The following FRMD4A variants were observed in gnomAD, a reference collection of about 807,000 sequenced individuals.
FRMD4A encodes the protein FERM domain-containing protein 4A.
In FRMD4A, 29 loss-of-function variants were observed where a neutral mutation model predicts 129.1. The observed-to-expected ratio is 0.22, with a 90% CI of 0.17 to 0.31. FRMD4A has a LOEUF of 0.31. Ranked by LOEUF, FRMD4A falls within the 10% of genes least tolerant of loss-of-function variation. The pLI, the probability that FRMD4A is intolerant of heterozygous loss-of-function variation, is 1.00. For synonymous variants in FRMD4A, 634 were observed against 571.6 expected, an observed-to-expected ratio of 1.11 and a Z score of -1.56; for missense variants, 1,272 against 1,375.8, an observed-to-expected ratio of 0.92 and a Z score of 1.19.
At chr10:14,122,011 C>CAT (rs1838552296) in intron 2 of FRMD4A, among the ~76,000 whole-genome samples, 1 of 152,184 alleles carries the variant, frequency 6.6e-6, no homozygotes. Context: ...CTAGCATTAG[C>CAT]TAGTGCTGTT....
chr10:14,003,046 G>T (rs2095648277), intron 2 of FRMD4A, among the ~76,000 whole-genome samples: 2 of 152,148 alleles, frequency 1.3e-5, no homozygotes, highest in Non-Finnish European at 2.9e-5. Flanking sequence ...CCACTTAAGG[G>T]TTTCAGTAGA....
At chr10:14,212,545 C>G (rs904388508) in intron 2 of FRMD4A, among the ~76,000 whole-genome samples, 6 of 152,170 alleles carry the variant, frequency 3.9e-5, no homozygotes, top group Non-Finnish European at 8.8e-5. Context: ...CTCTCCCACT[C>G]TAGATGCTGG....
chr10:14,108,591 A>T lies in FRMD4A; in HGVS notation c.45+221467T>A, dbSNP rs527856639. Among the ~76,000 whole-genome samples the T allele has an allele frequency of 5.3e-5, 8 of 152,354 alleles. No homozygotes were observed. In the South Asian group the frequency reaches 1.5e-3, roughly 28 times the overall value. ...CAAACCAGATACCTCTTCATCAAGA[A>T]CTTAACCCAATTAGGGAGTCCTGTT... On this transcript the variant is annotated intron_variant, in intron 2 of 24. Coordinates refer to ENST00000357447, the MANE Select transcript of FRMD4A (RefSeq NM_018027.5).
At chr10:14,062,477 C>T (rs533757988) in intron 2 of FRMD4A, among the ~76,000 whole-genome samples, 2 of 152,094 alleles carry the variant, frequency 1.3e-5, no homozygotes, top group Non-Finnish European at 2.9e-5. Flanking sequence ...AAAGTCTTAG[C>T]CATTGAACTT....
chr10:13,971,798 A>G, intron 2 of FRMD4A: 1 of 1,304,398 alleles, frequency 7.7e-7, no homozygotes, highest in South Asian at 1.2e-5. Flanking sequence ...CCCAGCAGCC[A>G]TGCCAGCCCC....
chr10:13,804,714 C>CTT (rs35111872), intron 4 of FRMD4A, among the ~76,000 whole-genome samples: 42,629 of 127,368 alleles, frequency 0.33, 7,551 homozygotes, highest in Non-Finnish European at 0.42. Context: ...CCAGCTAATT[C>CTT]TTTTTTTTTT....
Position 14,232,285 on chromosome 10 carries a change from CTGTT to C in FRMD4A, c.45+97769_45+97772del, listed in dbSNP as rs550212464. 3.9e-5 allele frequency among the ~76,000 whole-genome samples: 6 copies of C among 152,132 alleles called. No homozygotes were observed. In the South Asian group the frequency reaches 1.0e-3, roughly 26 times the overall value. On this transcript the variant is annotated intron_variant, in intron 2 of 24. Coordinates refer to ENST00000357447, the MANE Select transcript of FRMD4A (RefSeq NM_018027.5). The stretch of plus-strand genomic sequence containing the variant: ...TGGTTCTGTATCCTGTTCCATTGGT[CTGTT>C]TGTTTGTTTTTGTCCCAGTACCCTG...
chr10:13,991,410 C>G (rs1257886913), intron 2 of FRMD4A, among the ~76,000 whole-genome samples: 3 of 152,158 alleles, frequency 2.0e-5, no homozygotes, highest in Non-Finnish European at 2.9e-5. Context: ...ACAGTGTGCA[C>G]CTGCTTTCCT....
chr10:14,138,627 G>A (rs1264375142), intron 2 of FRMD4A, among the ~76,000 whole-genome samples: 1 of 152,080 alleles, frequency 6.6e-6, no homozygotes, highest in Non-Finnish European at 1.5e-5. Context: ...GGCCGTGGTG[G>A]TGCGCGCCTG....
chr10:13,822,498 G>A (rs1258759984), intron 3 of FRMD4A, among the ~76,000 whole-genome samples: 1 of 152,206 alleles, frequency 6.6e-6, no homozygotes, highest in Non-Finnish European at 1.5e-5. Flanking sequence ...CACACAGTAG[G>A]TGCCTAATGA....
chr10:13,914,703 TA>T (rs1243292885), intron 2 of FRMD4A, among the ~76,000 whole-genome samples: 3 of 151,910 alleles, frequency 2.0e-5, no homozygotes, highest in African/African-American at 7.3e-5. Flanking sequence ...AAAGCAGCAT[TA>T]AAAAAACAAA....
At chr10:13,924,213 T>C (rs1187210613) in intron 2 of FRMD4A, among the ~76,000 whole-genome samples, 1 of 152,208 alleles carries the variant, frequency 6.6e-6, no homozygotes, top group Non-Finnish European at 1.5e-5. Flanking sequence ...TCCTTCAGTC[T>C]ATTGTCCATG....
At chr10:14,224,150 CT>C (rs1164405056) in intron 2 of FRMD4A, among the ~76,000 whole-genome samples, 2 of 152,182 alleles carry the variant, frequency 1.3e-5, no homozygotes, top group Non-Finnish European at 2.9e-5. Flanking sequence ...ATCCGTGCCT[CT>C]TCTCTGCCAA....
chr10:13,969,304 C>A (rs116349896), intron 2 of FRMD4A, among the ~76,000 whole-genome samples: 9 of 152,352 alleles, frequency 5.9e-5, no homozygotes, highest in African/African-American at 9.6e-5. Flanking sequence ...CCTGGCTTGG[C>A]CAGAGACCAC....
chr10:13,938,038 A>G (rs940334494), intron 2 of FRMD4A, among the ~76,000 whole-genome samples: 3 of 152,236 alleles, frequency 2.0e-5, no homozygotes, highest in African/African-American at 7.2e-5. Flanking sequence ...AACTGAATAA[A>G]AAGTCTGAAA....
intron 2 of FRMD4A, among the ~76,000 whole-genome samples, chr10:14,206,872 G>A (rs1842800166): frequency 6.8e-6 from 1 of 147,124 alleles, no homozygotes; most frequent in African/African-American, 2.5e-5. Flanking sequence ...TCCTAAAGGT[G>A]AGATCCACAG....
chr10:13,977,299 T>C (rs1320711880), intron 2 of FRMD4A, among the ~76,000 whole-genome samples: 2 of 149,654 alleles, frequency 1.3e-5, no homozygotes, highest in Non-Finnish European at 2.9e-5. Context: ...GCCACATTCC[T>C]TTCCTGCCTT....
At chr10:13,706,989 C>T (rs202228369) in intron 13 of FRMD4A, 48 bp downstream of exon 13, 54 of 969,286 alleles carry the variant, frequency 5.6e-5, no homozygotes, top group East Asian at 5.5e-4. Flanking sequence ...ATAACACGCC[C>T]GGCCGAGAGC....
intron 2 of FRMD4A, among the ~76,000 whole-genome samples, chr10:14,225,941 T>C (rs1436768244): frequency 6.6e-6 from 1 of 152,200 alleles, no homozygotes; most frequent in Non-Finnish European, 1.5e-5. Context: ...AAAGCTGACC[T>C]CTGGGTGGCC....
Sources: gnomAD v4.1 joint callset for allele counts (sites outside exome capture counted in the v4.1 genomes callset) on GRCh38, gnomAD v4.1.1 for gene constraint, MANE v1.5 for transcripts, NCBI Gene and HGNC (gene_info 2026-07-23, HGNC 2026-07-21) for gene names.